Variants in NECTIN2 observed in about 807,000 individuals in gnomAD.
NECTIN2 encodes the protein nectin cell adhesion molecule 2, also known as nectin-2.
A neutral mutation model predicts 56.9 loss-of-function variants in NECTIN2; 23 were observed. The ratio of observed to expected loss-of-function variants is 0.40; its 90% CI spans 0.29 to 0.57. The LOEUF (loss-of-function observed/expected upper bound fraction) is 0.57, where lower values mean the gene tolerates loss of function less well. Among genes scored for constraint, NECTIN2 ranks in the 20% least tolerant of loss-of-function variants. The pLI, the probability that NECTIN2 is intolerant of heterozygous loss-of-function variation, is 0.38. For synonymous variants in NECTIN2, 302 were observed against 313.8 expected (o/e 0.96, Z 0.40); for missense variants, 587 against 718.3 (o/e 0.82, Z 2.09).
At chr19:44,860,730 G>A (rs1405677665) in intron 1 of NECTIN2, among the ~76,000 whole-genome samples, 1 of 151,532 alleles carries the variant, frequency 6.6e-6, no homozygotes, top group African/African-American at 2.4e-5. Context: ...TCCGCCTCCT[G>A]GGTTCAAGTG....
chr19:44,862,992 C>CAAA (rs57740346), intron 1 of NECTIN2, among the ~76,000 whole-genome samples: 3 of 123,110 alleles, frequency 2.4e-5, no homozygotes, highest in Non-Finnish European at 3.3e-5. Context: ...ACTAAAAATA[C>CAAA]AAAAAAAAAA....
At chr19:44,860,723 G>A (rs931531432) in intron 1 of NECTIN2, among the ~76,000 whole-genome samples, 13 of 151,220 alleles carry the variant, frequency 8.6e-5, no homozygotes, top group African/African-American at 2.9e-4. Context: ...TGCAACCTCC[G>A]CCTCCTGGGT....
At chr19:44,881,224 T>C (rs756158630) in intron 5 of NECTIN2, among the ~76,000 whole-genome samples, 6 of 152,092 alleles carry the variant, frequency 3.9e-5, no homozygotes, top group Non-Finnish European at 8.8e-5. Context: ...CCCTTCCTGA[T>C]AAGTGGAAGG....
chr19:44,859,168 T>C (rs1279918385), intron 1 of NECTIN2, among the ~76,000 whole-genome samples: 4 of 152,260 alleles, frequency 2.6e-5, no homozygotes, highest in African/African-American at 7.2e-5. Flanking sequence ...GGCAGTGGTG[T>C]TGGCCCTCGA....
intron 5 of NECTIN2, among the ~76,000 whole-genome samples, chr19:44,876,948 C>T (rs1394505174): frequency 6.6e-6 from 1 of 152,098 alleles, no homozygotes; most frequent in African/African-American, 2.4e-5. Flanking sequence ...ACCAATGCCA[C>T]CTCCAGAAAC....
chr19:44,872,688 C>T lies in NECTIN2; in HGVS notation c.775+539C>T, dbSNP rs138982232. On this transcript the variant is annotated intron_variant, in intron 3 of 8. Transcript: ENST00000252483. ...ACTGCCCAACCTAACATCGTCTCCA[C>T]ACCTTCCCATACTTCTGCCTTGACT... Among the ~76,000 whole-genome samples the T allele has an allele frequency of 7.0e-4, 107 of 152,048 alleles. 3 individuals are homozygous for T. The East Asian group carries it at 0.019, about 27-fold the overall frequency.
Position 44,882,354 on chromosome 19 carries a change from G to A in NECTIN2, c.1186G>A (p.Glu396Lys). ...RKEQTLQGAE[E>K]DEDLEGPPSY... ...GGAGCAGACGCTGCAGGGGGCAGAG[G>A]AGGACGAAGAGTAAGTGATGGGCCC... Residue 396 changes from glutamate (E) to lysine (K), a missense_variant, in exon 6 of 9, where the codon GAG becomes AAG. Glu to Lys is a moderately conservative substitution (Grantham distance 56, BLOSUM62 1). Transcript: ENST00000252483. 6.9e-7 allele frequency: 1 copy of A among 1,446,196 alleles called. No homozygotes were observed. The highest frequency in any genetic ancestry group is 9.2e-7 in the Non-Finnish European group (1 of 1,089,292). The allele number at this position is 1,446,196 out of a possible 1,614,324, so 89.6% of individuals were successfully genotyped here.
At chr19:44,851,203 C>T (rs954471466) in intron 1 of NECTIN2, among the ~76,000 whole-genome samples, 2 of 151,326 alleles carry the variant, frequency 1.3e-5, no homozygotes, top group African/African-American at 4.9e-5. Context: ...TCCAGGCCAC[C>T]AGTGCTTCCT....
chr19:44,870,810 A>C (rs960145951), intron 2 of NECTIN2, among the ~76,000 whole-genome samples: 1 of 149,986 alleles, frequency 6.7e-6, no homozygotes, highest in African/African-American at 2.5e-5. Flanking sequence ...GCTCACTACA[A>C]CCTCTGCCTC....
chr19:44,869,461 CG>C (rs1969144767), intron 2 of NECTIN2, among the ~76,000 whole-genome samples: 1 of 151,450 alleles, frequency 6.6e-6, no homozygotes, highest in Non-Finnish European at 1.5e-5. Context: ...GGCGTGGTGG[CG>C]GGTGCCTGTA....
chr19:44,866,564 C>T (rs555376494), intron 2 of NECTIN2, among the ~76,000 whole-genome samples: 4 of 151,416 alleles, frequency 2.6e-5, no homozygotes, highest in Non-Finnish European at 5.9e-5. Context: ...TCCAGGCAGA[C>T]GGAATGGCAA....
intron 2 of NECTIN2, among the ~76,000 whole-genome samples, chr19:44,869,449 C>T (rs955032681): frequency 1.1e-4 from 17 of 151,586 alleles, no homozygotes; most frequent in Non-Finnish European, 2.1e-4. Context: ...AAAAATTAGC[C>T]GGGCGTGGTG....
At chr19:44,855,100 A>C (rs1378845659) in intron 1 of NECTIN2, among the ~76,000 whole-genome samples, 1 of 130,100 alleles carries the variant, frequency 7.7e-6, no homozygotes, top group Admixed American at 8.4e-5. Flanking sequence ...CCTGGGTGAC[A>C]GAGCAAGACT....
chr19:44,863,788 A>T (rs1969060741), intron 1 of NECTIN2, among the ~76,000 whole-genome samples: 1 of 150,968 alleles, frequency 6.6e-6, no homozygotes, highest in Non-Finnish European at 1.5e-5. Context: ...GGTTGCAGTG[A>T]CCAAGATTGC....
rs764706377 is a variant in NECTIN2 at position 44,873,899 on chromosome 19, C to CCCCCCATTT, written c.776-10_776-2dup. 2.5e-6 allele frequency: 4 copies of CCCCCCATTT among 1,572,778 alleles called. No individual in the cohort carries two copies. In the South Asian group the frequency reaches 4.4e-5, roughly 17 times the overall value. ...GGATTCTCCTCCTTGCTGATCCAGT[C>CCCCCCATTT]CCCCCATTTCCCCCAGACCCTCCTG... On this transcript the variant is annotated splice_polypyrimidine_tract_variant and intron_variant, in intron 3 of 8. Coordinates refer to ENST00000252483, the MANE Select transcript of NECTIN2 (RefSeq NM_001042724.2).
Position 44,846,407 on chromosome 19 carries a change from G to C in NECTIN2, c.-119G>C, listed in dbSNP as rs908655399. 9.4e-6 allele frequency: 12 copies of C among 1,276,986 alleles called. No individual in the cohort carries two copies. The highest frequency in any genetic ancestry group is 1.2e-5 in the Non-Finnish European group (12 of 986,368). 79.1% of individuals were successfully genotyped at this position (1,276,986 alleles called of 1,614,324 possible). A position where few individuals can be genotyped will look rare whatever the true frequency, so the allele number is the denominator to read the frequency against. On this transcript the variant is annotated 5_prime_UTR_variant, in exon 1 of 9. Coordinates refer to ENST00000252483, the MANE Select transcript of NECTIN2 (RefSeq NM_001042724.2). ...GAACAGGGAGGCTAGAGCGCAGCGG[G>C]AACCGGCCCGGAGCCGGAGCCGGAG...
At chr19:44,884,504 A>T (rs571126308) in intron 6 of NECTIN2, among the ~76,000 whole-genome samples, 2 of 152,218 alleles carry the variant, frequency 1.3e-5, no homozygotes, top group Non-Finnish European at 2.9e-5. Flanking sequence ...ATGCACAGGA[A>T]GGTCTGTTAC....
chr19:44,879,236 T>C (rs959217740), intron 5 of NECTIN2, among the ~76,000 whole-genome samples: 9 of 151,866 alleles, frequency 5.9e-5, no homozygotes, highest in Admixed American at 5.9e-4. Context: ...GCTGCCTTTC[T>C]GGATGGTGTG....
rs1305965775 is a variant in NECTIN2, at chr19:44,875,146, ACTCAC to A, written c.1042+671_1042+675del. ...TGCAGAGATGCATCAGAATCCAGACACTCACCTGGATGGTAACCCTGCACGCTCAA... is the reference window on the plus strand; with the variant it reads ...TGCAGAGATGCATCAGAATCCAGACACTGGATGGTAACCCTGCACGCTCAA... On this transcript the variant is annotated intron_variant, in intron 5 of 8. Coordinates refer to ENST00000252483, the MANE Select transcript of NECTIN2 (RefSeq NM_001042724.2). This position sits in a 1 kb window ranked among gnomAD's most constrained non-coding sequence, Gnocchi z 4.2. Among the ~76,000 whole-genome samples the A allele has an allele frequency of 3.3e-5, 5 of 151,658 alleles. No homozygotes were observed. The highest frequency in any genetic ancestry group is 4.9e-5 in the African/African-American group (2 of 41,234).
Sources: gnomAD v4.1 joint callset for allele counts (sites outside exome capture counted in the v4.1 genomes callset) on GRCh38, gnomAD v4.1.1 for gene constraint, Gnocchi (gnomAD v3.1) non-coding constraint, MANE v1.5 for transcripts, NCBI Gene and HGNC (gene_info 2026-07-23, HGNC 2026-07-21) for gene names.